THBS2: variants seen among roughly 807,000 people sequenced by gnomAD.
THBS2 encodes thrombospondin 2.
In THBS2, 47 loss-of-function variants were observed where a neutral mutation model predicts 135.2. That is an observed-to-expected ratio of 0.35 (90% CI 0.28 to 0.44). THBS2 has a LOEUF of 0.44. Ranked by LOEUF, THBS2 falls within the 20% of genes least tolerant of loss-of-function variation. The probability of loss-of-function intolerance (pLI) is 1.00; values close to 1 mark genes in which losing one functional copy is unlikely to be tolerated. For missense variants in THBS2, 1,288 were observed against 1,603.1 expected, an observed-to-expected ratio of 0.80 and a Z score of 3.36; for synonymous variants, 639 against 633.8, an observed-to-expected ratio of 1.01 and a Z score of -0.12.
At position 169,241,001 on chromosome 6, in the gene THBS2, G is replaced by A. The variant is rs58792236; in HGVS notation, c.892-409C>T. The stretch of plus-strand genomic sequence containing the variant: ...CTGCCCTCGCCACCCTCCCTGCCCC[G>A]GTCTCCTGCCATCGACCCCCTCCCT... On this transcript the variant is annotated intron_variant, in intron 5 of 21. Transcript: ENST00000617924. This position sits in a 1 kb window ranked among gnomAD's most constrained non-coding sequence, Gnocchi z 5.5. Among the ~76,000 whole-genome samples the A allele has an allele frequency of 0.025, 3,650 of 147,836 alleles. 141 individuals are homozygous for A. Among genetic ancestry groups the A allele is most frequent in the African/African-American group, 0.088 (3,433 of 39,116 alleles).
chr6:169,251,925 G>A (rs1377281314), intron 1 of THBS2: 2 of 151,542 alleles, frequency 1.3e-5, no homozygotes, highest in Non-Finnish European at 2.9e-5. Context: ...CACGGCCTGC[G>A]GCCGGAGTCA....
intron 4 of THBS2, among the ~76,000 whole-genome samples, chr6:169,242,634 A>ACCTTCCCACCG (rs1780361868): frequency 1.4e-3 from 8 of 5,656 alleles, no homozygotes; most frequent in African/African-American, 5.0e-3. Context: ...CCTTCCCACC[A>ACCTTCCCACCG]CTCCCACCTT....
chr6:169,241,430 T>C lies in THBS2; in HGVS notation c.891+332A>G. ...GTGTGTGTGTGTATGTGTGTGTATG[T>C]GTGTGTGTATGTGTGTGTGTGTGTG... is the stretch of plus-strand genomic sequence containing the variant. On this transcript the variant is annotated intron_variant, in intron 5 of 21. Transcript: ENST00000617924. The surrounding 1 kb of genome is among the most constrained non-coding windows in gnomAD (Gnocchi z 5.5). Among the ~76,000 whole-genome samples, 1 of 84,074 alleles carries C rather than the reference T, an allele frequency of 1.2e-5. No individual in the cohort carries two copies. 55.2% of individuals were successfully genotyped at this position (84,074 alleles called of 152,430 possible).
At position 169,237,183 on chromosome 6, in the gene THBS2, G is replaced by A. The variant is rs758577493; in HGVS notation, c.1464C>T (p.Gly488=). 66 of 1,607,624 alleles carry A rather than the reference G, an allele frequency of 4.1e-5. 1 individual carries two copies. The East Asian group carries it at 6.9e-4, about 17-fold the overall frequency. ...CACCGTACTTACTTGGGCATGGGGCGCCCTGGCAGGCTTTGGTCTCCCGGC... is the reference window on the plus strand; with the variant it reads ...CACCGTACTTACTTGGGCATGGGGCACCCTGGCAGGCTTTGGTCTCCCGGC... ...GSGRETKACQ[G]APCPIDGRWS... Residue 488 remains glycine, a synonymous_variant, in exon 9 of 22, where the codon GGC becomes GGT. Coordinates refer to ENST00000617924, the MANE Select transcript of THBS2 (RefSeq NM_003247.5).
chr6:169,220,693 A>G (rs555389511), intron 20 of THBS2, among the ~76,000 whole-genome samples: 91 of 152,246 alleles, frequency 6.0e-4, no homozygotes, highest in African/African-American at 2.1e-3. Flanking sequence ...CCTTGTGCTA[A>G]AACCATGAGC....
In THBS2 at chr6:169,217,806, A is replaced by C. The variant is rs764178250; in HGVS notation, c.*16T>G. ...TGGCATGCACAGGGCATTGCCGGAA[A>C]TGCAGCAAATCTTGTTTAAATATCT... On this transcript the variant is annotated 3_prime_UTR_variant, in exon 22 of 22. Coordinates refer to ENST00000617924, the MANE Select transcript of THBS2 (RefSeq NM_003247.5). 6.2e-7 allele frequency: 1 copy of C among 1,611,146 alleles called. No individual in the cohort carries two copies. Among genetic ancestry groups the C allele is most frequent in the Admixed American group, 1.7e-5 (1 of 59,666 alleles).
At chr6:169,237,991 C>T (rs547797114) in intron 7 of THBS2, among the ~76,000 whole-genome samples, 196 bp from the exon 8 acceptor site, 10 of 152,294 alleles carry the variant, frequency 6.6e-5, no homozygotes, top group South Asian at 2.1e-4. Context: ...GTGACCTGCA[C>T]GGGAGTTCAG....
intron 4 of THBS2, among the ~76,000 whole-genome samples, chr6:169,242,765 T>C (rs372170612): frequency 2.9e-3 from 50 of 17,044 alleles, no homozygotes; most frequent in Admixed American, 4.5e-3. Context: ...CACCTTCCCA[T>C]CTTCCCATCT....
At chr6:169,220,394 A>G in intron 20 of THBS2, 57 bp from the exon 21 acceptor site, 1 of 1,563,450 alleles carries the variant, frequency 6.4e-7, no homozygotes, top group Non-Finnish European at 8.7e-7. Context: ...AACTCTGTGA[A>G]GCATTCACCA....
At chr6:169,244,313 AACAC>A (rs35075375) in intron 4 of THBS2, among the ~76,000 whole-genome samples, 195 of 147,300 alleles carry the variant, frequency 1.3e-3, no homozygotes, top group Non-Finnish European at 1.7e-3. Context: ...GTATGCTGGT[AACAC>A]ACACACACAC....
chr6:169,239,068 A>G (rs1265518761), intron 7 of THBS2, among the ~76,000 whole-genome samples: 1 of 152,112 alleles, frequency 6.6e-6, no homozygotes, highest in Non-Finnish European at 1.5e-5. Flanking sequence ...ACGTGCACTG[A>G]GTTTCCAGGG....
At chr6:169,242,857 C>T (rs1356935907) in intron 4 of THBS2, among the ~76,000 whole-genome samples, 1 of 83,974 alleles carries the variant, frequency 1.2e-5, no homozygotes, top group South Asian at 4.9e-4. Context: ...CTGCTCCCAC[C>T]TTCCCACCTT....
rs747877387 is a variant in THBS2 at position 169,248,585 on chromosome 6, C to T, written c.441G>A (p.Ser147=). ...VSLEDVGLAD[S]QWKNVTVQVA... is the part of the protein sequence containing the mutation. ...CCTGCACGGTGACGTTCTTCCACTG[C>T]GAGTCAGCCAGGCCGACGTCCTCCA... The change falls in exon 3 of 22, where the codon TCG becomes TCA. Residue 147 remains serine, a synonymous_variant. Coordinates refer to ENST00000617924, the MANE Select transcript of THBS2 (RefSeq NM_003247.5). 1.4e-5 allele frequency: 22 copies of T among 1,613,910 alleles called. No homozygotes were observed. The highest frequency in any genetic ancestry group is 8.9e-5 in the East Asian group (4 of 44,864).
At chr6:169,239,719 T>A in intron 6 of THBS2, 24 bp from the exon 7 acceptor site, 1 of 1,551,910 alleles carries the variant, frequency 6.4e-7, no homozygotes, top group East Asian at 2.3e-5. Flanking sequence ...AAGGCATGCA[T>A]GGAACACTCA....
At position 169,225,202 on chromosome 6, in the gene THBS2, G is replaced by A. The variant is rs755032590; in HGVS notation, c.2716C>T (p.Pro906Ser). 9 of 1,614,204 alleles carry A rather than the reference G, an allele frequency of 5.6e-6. No individual in the cohort carries two copies. The highest frequency in any genetic ancestry group is 7.6e-6 in the Non-Finnish European group (9 of 1,180,028). ...AGCCGGCAGTTGTCCCTGTCATCGG[G>A]GACGCCATCGTTGTCATCATCAGGG... ...CDPDDDNDGV[P>S]DDRDNCRLVF... The change falls in exon 17 of 22, where the codon CCC becomes TCC. Residue 906 changes from proline (P) to serine (S), a missense_variant. Coordinates refer to ENST00000617924, the MANE Select transcript of THBS2 (RefSeq NM_003247.5).
Position 169,221,440 on chromosome 6 carries a change from C to A in THBS2, c.3361G>T (p.Gly1121Cys). 6.2e-7 allele frequency: 1 copy of A among 1,613,928 alleles called. No individual in the cohort carries two copies. Residue 1121 changes from glycine to cysteine, a missense_variant, in exon 20 of 22, where the codon GGC (glycine) becomes TGC (cysteine). Gly to Cys is a radical substitution (Grantham distance 159). Coordinates refer to ENST00000617924, the MANE Select transcript of THBS2 (RefSeq NM_003247.5). ...RWHLTHRPKTGYIRVLVHEGK... is the reference protein window; with the variant it reads ...RWHLTHRPKTCYIRVLVHEGK... ...CTGACCTGCCCTCACCTGATGTAGC[C>A]AGTCTTGGGCCTGTGAGTCAGGTGC...
intron 5 of THBS2, 57 bp from the exon 6 acceptor site, chr6:169,240,649 C>A: frequency 6.4e-7 from 1 of 1,570,672 alleles, no homozygotes; most frequent in Non-Finnish European, 8.7e-7. Flanking sequence ...ATTTAGTCAT[C>A]ATGCTTGTGG....
intron 14 of THBS2, 114 bp downstream of exon 14, chr6:169,229,458 G>A (rs146997530): frequency 6.2e-6 from 5 of 804,882 alleles, no homozygotes; most frequent in Non-Finnish European, 1.0e-5. Flanking sequence ...ATGCACAAAC[G>A]CTTGCAGGAC....
rs142572362 is a variant in THBS2, at chr6:169,223,408, C to G, written c.2841G>C (p.Val947=). Reference sequence around the variant, plus strand: ...CACTGATGGCATTGTTTTCAGGACACACATCATCAATATCTGGGATGTTGT... The same window carrying G: ...CACTGATGGCATTGTTTTCAGGACAGACATCATCAATATCTGGGATGTTGT... ...DNDNIPDIDD[V]CPENNAISET... The change falls in exon 18 of 22, where the codon GTG becomes GTC. Residue 947 remains valine, a synonymous_variant. Coordinates refer to ENST00000617924, the MANE Select transcript of THBS2 (RefSeq NM_003247.5). 1 of 1,614,174 alleles carries G rather than the reference C, an allele frequency of 6.2e-7. No homozygotes were observed. Among genetic ancestry groups the G allele is most frequent in the East Asian group, 2.2e-5 (1 of 44,878 alleles).
Sources: gnomAD v4.1 joint callset for allele counts (sites outside exome capture counted in the v4.1 genomes callset) on GRCh38, gnomAD v4.1.1 for gene constraint, Gnocchi (gnomAD v3.1) non-coding constraint, MANE v1.5 for transcripts, NCBI Gene and HGNC (gene_info 2026-07-23, HGNC 2026-07-21) for gene names.